SH3GLB2: variants seen among roughly 807,000 people sequenced by gnomAD.
SH3GLB2 encodes the protein SH3 domain containing GRB2 like, endophilin B2, also known as endophilin-B2.
SH3GLB2 carries 24 observed loss-of-function variants against 48.0 expected under a neutral mutation model. That is an observed-to-expected ratio of 0.50 (90% CI 0.36 to 0.70). The LOEUF is 0.70. SH3GLB2 is among the 30% of genes least tolerant of loss of function. The pLI, the probability that SH3GLB2 is intolerant of heterozygous loss-of-function variation, is 0.00. For synonymous variants in SH3GLB2, 227 were observed against 207.6 expected, an observed-to-expected ratio of 1.09 and a Z score of -0.80; for missense variants, 425 against 516.0, an observed-to-expected ratio of 0.82 and a Z score of 1.71.
intron 1 of SH3GLB2, among the ~76,000 whole-genome samples, chr9:129,024,627 G>A (rs896620070): frequency 1.3e-5 from 2 of 151,950 alleles, no homozygotes; most frequent in African/African-American, 2.4e-5. Context: ...AGGGGCTGAG[G>A]TGGGAGCCCA....
At chr9:129,019,851 G>A (rs1479678776) in intron 3 of SH3GLB2, among the ~76,000 whole-genome samples, 2 of 151,292 alleles carry the variant, frequency 1.3e-5, no homozygotes, top group East Asian at 1.9e-4. Context: ...AAAAAAAGAT[G>A]GATATGGTTC....
intron 1 of SH3GLB2, among the ~76,000 whole-genome samples, chr9:129,024,795 C>T (rs35910906): frequency 0.097 from 14,647 of 150,990 alleles, 848 homozygotes; most frequent in African/African-American, 0.16. Context: ...ACGGTGAAAC[C>T]CCATCTCTAC....
intron 1 of SH3GLB2, among the ~76,000 whole-genome samples, chr9:129,024,153 G>A (rs1843989708): frequency 6.6e-6 from 1 of 151,574 alleles, no homozygotes; most frequent in African/African-American, 2.4e-5. Flanking sequence ...TAGGTGCAGT[G>A]GCTCATGCCT....
chr9:129,028,280 G>T lies in SH3GLB2; in HGVS notation c.-126C>A. On this transcript the variant is annotated 5_prime_UTR_variant, in exon 1 of 11. Transcript: ENST00000372564. ...CAGCCCTCCGCGCACCCGCCTGCCG[G>T]CCTGCCCGCCTGCCCGCCCGCCGCA... 1 of 454,986 alleles carries T rather than the reference G, an allele frequency of 2.2e-6. No homozygotes were observed. The highest frequency in any genetic ancestry group is 2.7e-6 in the Non-Finnish European group (1 of 369,590). 28.2% of individuals were successfully genotyped at this position (454,986 alleles called of 1,614,324 possible). A position where few individuals can be genotyped will look rare whatever the true frequency, so the allele number is the denominator to read the frequency against.
At chr9:129,012,712 ACAC>A in intron 5 of SH3GLB2, 1 of 505,146 alleles carries the variant, frequency 2.0e-6, no homozygotes, top group Non-Finnish European at 3.5e-6. Context: ...CAGAATCCGC[ACAC>A]CACATCTCTT....
rs1842839333 is a variant in SH3GLB2 at position 129,007,507 on chromosome 9, T to C, written c.*1177A>G. On this transcript the variant is annotated 3_prime_UTR_variant, in exon 11 of 11. Coordinates refer to ENST00000372564, the MANE Select transcript of SH3GLB2 (RefSeq NM_020145.4). Reference sequence around the variant, plus strand: ...GGACTGAAGTCAGAATGCTAGGTCCTGCTAGGGGCCATCTAAAACACAGAC... The same window carrying C: ...GGACTGAAGTCAGAATGCTAGGTCCCGCTAGGGGCCATCTAAAACACAGAC... 1 of 152,154 alleles carries C rather than the reference T, an allele frequency of 6.6e-6. No homozygotes were observed. The highest frequency in any genetic ancestry group is 2.1e-4 in the South Asian group (1 of 4,832). The allele number at this position is 152,154 out of a possible 1,614,324, so 9.4% of individuals were successfully genotyped here.
rs557373146 is a variant in SH3GLB2 at position 129,012,681 on chromosome 9, C to T, written c.562-383G>A. On this transcript the variant is annotated intron_variant, in intron 5 of 10. Coordinates refer to ENST00000372564, the MANE Select transcript of SH3GLB2 (RefSeq NM_020145.4). Reference sequence around the variant, plus strand: ...TCCCGCAAACACAGCCCACCCCCAACTGGGATGGCTTTTTCCATCCCAGAA... The same window carrying T: ...TCCCGCAAACACAGCCCACCCCCAATTGGGATGGCTTTTTCCATCCCAGAA... 198 of 485,264 alleles carry T rather than the reference C, an allele frequency of 4.1e-4. 3 individuals are homozygous for T. The East Asian group carries it at 6.3e-3, about 15-fold the overall frequency. 30.1% of individuals were successfully genotyped at this position (485,264 alleles called of 1,614,324 possible).
chr9:129,015,278 C>T (rs1472657092), intron 3 of SH3GLB2, among the ~76,000 whole-genome samples: 1 of 151,976 alleles, frequency 6.6e-6, no homozygotes, highest in Non-Finnish European at 1.5e-5. Flanking sequence ...GGGAGGATCA[C>T]TTGAGCTCGG....
intron 5 of SH3GLB2, chr9:129,012,551 G>A (rs1236427647): frequency 1.2e-5 from 5 of 423,442 alleles, no homozygotes; most frequent in African/African-American, 2.0e-5. Context: ...CAAATGCGGT[G>A]AGGAGATGGC....
At position 129,022,191 on chromosome 9, in the gene SH3GLB2, C is replaced by T. The variant is rs547472467; in HGVS notation, c.205+91G>A. On this transcript the variant is annotated intron_variant, in intron 2 of 10. Coordinates refer to ENST00000372564, the MANE Select transcript of SH3GLB2 (RefSeq NM_020145.4). ...CTAGCTGAAACCCCGGCTGCAGCCCCGCCCCACCTATGCCACAACAGGGCC... is the reference window on the plus strand; with the variant it reads ...CTAGCTGAAACCCCGGCTGCAGCCCTGCCCCACCTATGCCACAACAGGGCC... 9.8e-6 allele frequency: 15 copies of T among 1,532,068 alleles called. No homozygotes were observed. The African/African-American group carries it at 1.4e-4, about 14-fold the overall frequency. 94.9% of individuals were successfully genotyped at this position (1,532,068 alleles called of 1,614,324 possible).
At chr9:129,013,993 A>C (rs747536561) in intron 5 of SH3GLB2, 2 of 463,702 alleles carry the variant, frequency 4.3e-6, no homozygotes, top group Non-Finnish European at 8.6e-6. Context: ...CAGGTTTTCC[A>C]CACCATCGTG....
intron 1 of SH3GLB2, among the ~76,000 whole-genome samples, chr9:129,026,370 T>A (rs1844162496): frequency 6.6e-6 from 1 of 152,080 alleles, no homozygotes; most frequent in Non-Finnish European, 1.5e-5. Context: ...CTCTGTGGCC[T>A]CTCCTGCCAG....
chr9:129,011,348 T>C lies in SH3GLB2; in HGVS notation c.625-655A>G, dbSNP rs1379392679. The C allele has an allele frequency of 6.6e-6, 1 of 152,240 alleles. No individual in the cohort carries two copies. Among genetic ancestry groups the C allele is most frequent in the Non-Finnish European group, 1.5e-5 (1 of 68,132 alleles). 9.4% of individuals were successfully genotyped at this position (152,240 alleles called of 1,614,324 possible). A position where few individuals can be genotyped will look rare whatever the true frequency, so the allele number is the denominator to read the frequency against. On this transcript the variant is annotated intron_variant, in intron 6 of 10. Coordinates refer to ENST00000372564, the MANE Select transcript of SH3GLB2 (RefSeq NM_020145.4). This position sits in a 1 kb window ranked among gnomAD's most constrained non-coding sequence, Gnocchi z 4.5. ...GGCCAGTGTGCGTGGCCGGCCCGTG[T>C]GGCCCCCATGCTGCTTAGGAAGTCC...
chr9:129,019,508 C>T (rs1179165040), intron 3 of SH3GLB2, among the ~76,000 whole-genome samples: 1 of 151,686 alleles, frequency 6.6e-6, no homozygotes, highest in South Asian at 2.1e-4. Context: ...GAGATCGAGA[C>T]CTGCCTGGAT....
Position 129,028,121 on chromosome 9 carries a change from C to G in SH3GLB2, c.34G>C (p.Ala12Pro). The stretch of plus-strand genomic sequence containing the variant: ...ACCGCCCGGGTGAAGAAGATGCCCG[C>G]GTCCGACGCCAGCTTCTTCATGTTG... ...DFNMKKLASDAGIFFTRAVQF... is the reference protein window; with the variant it reads ...DFNMKKLASDPGIFFTRAVQF... The change falls in exon 1 of 11, where the codon GCG (alanine) becomes CCG (proline). Residue 12 changes from alanine to proline, a missense_variant. Ala to Pro is a conservative substitution (Grantham distance 27). Transcript: ENST00000372564. The G allele has an allele frequency of 6.7e-7, 1 of 1,498,150 alleles. No homozygotes were observed. Among genetic ancestry groups the G allele is most frequent in the Non-Finnish European group, 8.9e-7 (1 of 1,126,272 alleles). The allele number at this position is 1,498,150 out of a possible 1,614,324, so 92.8% of individuals were successfully genotyped here.
Position 129,007,268 on chromosome 9 carries a change from T to G in SH3GLB2, c.*1416A>C, listed in dbSNP as rs1842832588. 1 of 152,354 alleles carries G rather than the reference T, an allele frequency of 6.6e-6. No homozygotes were observed. Among genetic ancestry groups the G allele is most frequent in the Non-Finnish European group, 1.5e-5 (1 of 68,224 alleles). The allele number at this position is 152,354 out of a possible 1,614,324, so 9.4% of individuals were successfully genotyped here. On this transcript the variant is annotated 3_prime_UTR_variant, in exon 11 of 11. Transcript: ENST00000372564. ...CATTCCTGTCCTTGGGCTGAGGGTTTGGCTGGGTGGGCGCTGTCAGATATT... is the reference window on the plus strand; with the variant it reads ...CATTCCTGTCCTTGGGCTGAGGGTTGGGCTGGGTGGGCGCTGTCAGATATT...
rs1240142696 is a variant in SH3GLB2 at position 129,028,299 on chromosome 9, C to CGCCGCA, written c.-151_-146dup. On this transcript the variant is annotated 5_prime_UTR_variant, in exon 1 of 11. Transcript: ENST00000372564. ...CTGCCGGCCTGCCCGCCTGCCCGCC[C>CGCCGCA]GCCGCAGCCGCCGAGCCAGCCCGAG... 1 of 392,954 alleles carries CGCCGCA rather than the reference C, an allele frequency of 2.5e-6. No individual in the cohort carries two copies. The highest frequency in any genetic ancestry group is 2.6e-5 in the African/African-American group (1 of 39,050). The allele number at this position is 392,954 out of a possible 1,614,324, so 24.3% of individuals were successfully genotyped here.
At chr9:129,016,299 C>T (rs1319274212) in intron 3 of SH3GLB2, among the ~76,000 whole-genome samples, 1 of 132,980 alleles carries the variant, frequency 7.5e-6, no homozygotes, top group African/African-American at 2.8e-5. Flanking sequence ...GCCAACGTCA[C>T]ACCACTGTAC....
chr9:129,010,654 C>T lies in SH3GLB2; in HGVS notation c.648+16G>A, dbSNP rs780896652. On this transcript the variant is annotated intron_variant, in intron 7 of 10. Transcript: ENST00000372564. ...CCCCTTCTTCCTCGAGCCCAGCCCC[C>T]CAGGCCCCAACTTACCTTGTCCACT... is the stretch of plus-strand genomic sequence containing the variant. The T allele has an allele frequency of 3.3e-5, 54 of 1,613,888 alleles. No individual in the cohort carries two copies. The Admixed American group carries it at 6.8e-4, about 20-fold the overall frequency.
Sources: allele counts gnomAD v4.1 joint callset (sites outside exome capture counted in the v4.1 genomes callset), GRCh38; gene constraint gnomAD v4.1.1; non-coding constraint Gnocchi (gnomAD v3.1); transcripts MANE v1.5; gene names NCBI Gene and HGNC (gene_info 2026-07-23, HGNC 2026-07-21).